Variants in MTRR observed in about 807,000 individuals in gnomAD.
The protein encoded by MTRR is methionine synthase reductase.
MTRR carries 63 observed loss-of-function variants against 79.2 expected under a neutral mutation model. That is an observed-to-expected ratio of 0.80 (90% CI 0.65 to 0.98). The LOEUF is 0.98. Ranked by LOEUF, MTRR falls within the 50% of genes least tolerant of loss-of-function variation. MTRR has a pLI of 0.00. For synonymous variants in MTRR, 355 were observed against 313.3 expected (o/e 1.13, Z -1.41); for missense variants, 895 against 839.6 (o/e 1.07, Z -0.82).
intron 9 of MTRR, among the ~76,000 whole-genome samples, 161 bp from the exon 10 acceptor site, chr5:7,891,211 T>A (rs1223262071): frequency 1.3e-5 from 2 of 151,992 alleles, no homozygotes; most frequent in Non-Finnish European, 2.9e-5. Context: ...AGTAATATTT[T>A]ACTTGAACAC....
Position 7,885,803 on chromosome 5 carries a change from A to T in MTRR, c.1006A>T (p.Lys336Ter), listed in dbSNP as rs1057521495. The T allele has an allele frequency of 1.2e-6, 2 of 1,614,004 alleles. No homozygotes were observed. The highest frequency in any genetic ancestry group is 8.5e-7 in the Non-Finnish European group (1 of 1,180,034). The change falls in exon 7 of 15, where the codon AAA becomes TAA. Residue 336 changes from lysine to a stop codon, truncating the protein, a stop_gained. Coordinates refer to ENST00000440940, the MANE Select transcript of MTRR (RefSeq NM_002454.3). LOFTEE classifies it high-confidence loss of function. Reference protein sequence around the residue: ...SLLQRLQLEDKREHCVLLKIK... With the variant: ...SLLQRLQLED ...ACTCCAAAGACTGCAGCTTGAAGAT[A>T]AAAGAGAGCACTGCGTCCTTTTGAA...
intron 10 of MTRR, 125 bp downstream of exon 10, chr5:7,891,539 C>A: frequency 1.3e-6 from 1 of 757,338 alleles, no homozygotes; most frequent in East Asian, 2.6e-5. Flanking sequence ...AAGACAGTAC[C>A]AGGCATAATA....
At chr5:7,872,230 T>C (rs1414074682) in intron 2 of MTRR, 1 of 454,882 alleles carries the variant, frequency 2.2e-6, no homozygotes. Context: ...CTTTTATCAG[T>C]GTGAAAAATA....
Position 7,889,153 on chromosome 5 carries a change from A to G in MTRR, c.1205A>G (p.Gln402Arg). The G allele has an allele frequency of 6.2e-7, 1 of 1,614,144 alleles. No homozygotes were observed. Among genetic ancestry groups the G allele is most frequent in the Non-Finnish European group, 8.5e-7 (1 of 1,180,032 alleles). ...TSDSAEKRRL[Q>R]ELCSKQGAAD... is the part of the protein sequence containing the mutation. ...GACAGTGCTGAAAAGCGCAGGCTAC[A>G]GGAGCTGTGCAGTAAACAAGGGGCA... The change falls in exon 9 of 15, where the codon CAG (glutamine) becomes CGG (arginine). Residue 402 changes from glutamine (Q) to arginine (R), a missense_variant. Transcript: ENST00000440940.
At chr5:7,861,489 A>T (rs373245138) in intron 1 of MTRR, 31 of 889,026 alleles carry the variant, frequency 3.5e-5, no homozygotes, top group Non-Finnish European at 4.8e-5. Context: ...TTCCAGAATC[A>T]TATCTATTTT....
Position 7,896,932 on chromosome 5 carries a change from A to G in MTRR, c.1745A>G (p.His582Arg), listed in dbSNP as rs772862967. ...GAMWLFFGCR[H>R]KDRDYLFRKE... ...ATGTGGTTGTTTTTTGGCTGCAGGC[A>G]TAAGGATAGGGATTATCTATTCAGG... The change falls in exon 13 of 15, where the codon CAT becomes CGT. Residue 582 changes from histidine to arginine, a missense_variant. Coordinates refer to ENST00000440940, the MANE Select transcript of MTRR (RefSeq NM_002454.3). 8 of 1,614,136 alleles carry G rather than the reference A, an allele frequency of 5.0e-6. No individual in the cohort carries two copies. In the Admixed American group the frequency reaches 1.3e-4, roughly 27 times the overall value.
At chr5:7,897,952 A>G (rs1007143576) in intron 14 of MTRR, among the ~76,000 whole-genome samples, 4 of 152,078 alleles carry the variant, frequency 2.6e-5, no homozygotes, top group South Asian at 2.1e-4. Flanking sequence ...AAGACAAAAT[A>G]CTGGCATCGT....
intron 4 of MTRR, among the ~76,000 whole-genome samples, chr5:7,875,795 G>T (rs577765768): frequency 6.6e-6 from 1 of 152,384 alleles, no homozygotes; most frequent in African/African-American, 2.4e-5. Flanking sequence ...ACACAGGTCT[G>T]TGGGCCTTCG....
At chr5:7,899,590 G>T (rs1317106819) in intron 14 of MTRR, among the ~76,000 whole-genome samples, 2 of 152,204 alleles carry the variant, frequency 1.3e-5, no homozygotes, top group East Asian at 3.9e-4. Flanking sequence ...AATGAGGGGT[G>T]AGCCAGCAGG....
intron 1 of MTRR, among the ~76,000 whole-genome samples, chr5:7,853,363 C>A (rs1746133326): frequency 1.3e-5 from 2 of 152,210 alleles, no homozygotes; most frequent in Non-Finnish European, 2.9e-5. Flanking sequence ...CCACCCCAGC[C>A]ATACTGAACT....
At position 7,899,807 on chromosome 5, in the gene MTRR, G is replaced by A. The variant is rs1038186503; in HGVS notation, c.1953-107G>A. On this transcript the variant is annotated intron_variant, in intron 14 of 14. Transcript: ENST00000440940. ...GTGTGAGATGTTCTGAGAAGACGGA[G>A]GGAAGAACTATGGTGGTACAGTCAA... The A allele has an allele frequency of 2.1e-5, 30 of 1,402,580 alleles. 1 individual carries two copies. The highest frequency in any genetic ancestry group is 2.1e-4 in the African/African-American group (15 of 70,386). 86.9% of individuals were successfully genotyped at this position (1,402,580 alleles called of 1,614,324 possible).
At chr5:7,862,947 G>A (rs758607305) in intron 2 of MTRR, 6 of 1,614,020 alleles carry the variant, frequency 3.7e-6, no homozygotes, top group Non-Finnish European at 5.1e-6. Flanking sequence ...CCAGGGAACA[G>A]CATGGGGTAA....
At position 7,873,531 on chromosome 5, in the gene MTRR, T is replaced by A; in HGVS notation, c.283+5T>A. On this transcript the variant is annotated splice_donor_5th_base_variant and intron_variant, in intron 3 of 14. Transcript: ENST00000440940. ...ACCTGCGGTATGGGTTACTGGGTAA[T>A]GGACTCTCTCTTCTGATCTTACTAT... 1 of 1,614,124 alleles carries A rather than the reference T, an allele frequency of 6.2e-7. No homozygotes were observed. The highest frequency in any genetic ancestry group is 2.2e-5 in the East Asian group (1 of 44,890).
upstream of MTRR, among the ~76,000 whole-genome samples, chr5:7,866,313 CAAA>C (rs35385669): frequency 5.7e-5 from 8 of 140,394 alleles, no homozygotes; most frequent in African/African-American, 5.2e-5. Flanking sequence ...ACCATCCTCT[CAAA>C]AAAAAAAAAA....
intron 9 of MTRR, chr5:7,890,321 C>T: frequency 5.1e-6 from 5 of 985,292 alleles, no homozygotes; most frequent in Non-Finnish European, 6.0e-6. Context: ...TGAGGCTGCT[C>T]TTCTCACCAT....
chr5:7,895,094 A>G lies in MTRR; in HGVS notation c.1558-640A>G, dbSNP rs527397452. Among the ~76,000 whole-genome samples the G allele has an allele frequency of 3.1e-3, 474 of 152,360 alleles. 4 individuals carry two copies. The highest frequency in any genetic ancestry group is 0.011 in the African/African-American group (456 of 41,578). On this transcript the variant is annotated intron_variant, in intron 11 of 14. Coordinates refer to ENST00000440940, the MANE Select transcript of MTRR (RefSeq NM_002454.3). ...TGGAGGGGAATCCTGTCATTCTTAAATCTTGGTATCAGTATGACTTTTGCA... is the reference window on the plus strand; with the variant it reads ...TGGAGGGGAATCCTGTCATTCTTAAGTCTTGGTATCAGTATGACTTTTGCA...
At chr5:7,859,440 C>G in intron 1 of MTRR, 1 of 1,587,066 alleles carries the variant, frequency 6.3e-7, no homozygotes, top group Non-Finnish European at 8.6e-7. Flanking sequence ...AGTATTCATT[C>G]TTGCAACCAA....
At chr5:7,852,397 G>A (rs189687765) in intron 1 of MTRR, among the ~76,000 whole-genome samples, 5 of 152,132 alleles carry the variant, frequency 3.3e-5, no homozygotes, top group South Asian at 2.1e-4. Flanking sequence ...ATTTATATCT[G>A]TCTCTCTCGT....
At chr5:7,891,288 AATT>A in intron 9 of MTRR, 81 bp from the exon 10 acceptor site, 3 of 673,656 alleles carry the variant, frequency 4.5e-6, no homozygotes, top group South Asian at 1.9e-5. Flanking sequence ...TAAGACATGG[AATT>A]TTTTTTTTTT....
Sources: gnomAD v4.1 joint callset for allele counts (sites outside exome capture counted in the v4.1 genomes callset) on GRCh38, gnomAD v4.1.1 for gene constraint, MANE v1.5 for transcripts, NCBI Gene and HGNC (gene_info 2026-07-23, HGNC 2026-07-21) for gene names.